CSNK2A2IP: variants seen among roughly 807,000 people sequenced by gnomAD.
CSNK2A2IP encodes the protein casein kinase 2 subunit alpha' interacting protein.
At chr3:88,428,525 C>A in the CSNK2A2IP span, among the ~76,000 whole-genome samples, 8 of 152,126 alleles carry the variant, frequency 5.3e-5, no homozygotes, top group Non-Finnish European at 7.4e-5. Context: ...ATAATCCCCA[C>A]ATGTTGCGGG....
At chr3:88,421,678 A>C in the CSNK2A2IP span, among the ~76,000 whole-genome samples, 1 of 152,214 alleles carries the variant, frequency 6.6e-6, no homozygotes, top group South Asian at 2.1e-4. Flanking sequence ...CGGCCTCTCA[A>C]AATGCTGGGA....
the CSNK2A2IP span, among the ~76,000 whole-genome samples, chr3:88,410,969 A>G: frequency 1.3e-5 from 2 of 152,162 alleles, no homozygotes; most frequent in South Asian, 4.1e-4. Flanking sequence ...TGAGTAAGAA[A>G]TATTTGGTAT....
At chr3:88,459,936 G>T in the CSNK2A2IP span, among the ~76,000 whole-genome samples, 26 of 151,908 alleles carry the variant, frequency 1.7e-4, no homozygotes, top group Middle Eastern at 6.8e-3. Context: ...TTTTATTTGG[G>T]AATTTCTGCG....
the CSNK2A2IP span, chr3:88,465,284 G>T: frequency 1.7e-5 from 15 of 901,494 alleles, no homozygotes; most frequent in Non-Finnish European, 2.2e-5. Flanking sequence ...ATGGATTCCC[G>T]CTAAAAGACT....
At chr3:88,452,745 C>T in the CSNK2A2IP span, among the ~76,000 whole-genome samples, 40 of 152,186 alleles carry the variant, frequency 2.6e-4, no homozygotes, top group East Asian at 1.7e-3. Flanking sequence ...GAACATAGCC[C>T]TCTCAGGATT....
chr3:88,408,241 G>A, the CSNK2A2IP span, among the ~76,000 whole-genome samples: 1 of 150,898 alleles, frequency 6.6e-6, no homozygotes, highest in African/African-American at 2.5e-5. Flanking sequence ...GAGTAAAGGA[G>A]ATGAAGGCAA....
chr3:88,393,087 C>A, the CSNK2A2IP span, among the ~76,000 whole-genome samples: 1 of 152,152 alleles, frequency 6.6e-6, no homozygotes, highest in Non-Finnish European at 1.5e-5. Flanking sequence ...GACATGATAT[C>A]TTCTGTAGTG....
chr3:88,455,423 T>A, the CSNK2A2IP span, among the ~76,000 whole-genome samples: 8 of 152,076 alleles, frequency 5.3e-5, no homozygotes, highest in African/African-American at 1.9e-4. Flanking sequence ...TGTTATCTCA[T>A]TGTAGTTTTT....
chr3:88,442,308 G>C, the CSNK2A2IP span, among the ~76,000 whole-genome samples: 1 of 152,052 alleles, frequency 6.6e-6, no homozygotes, highest in African/African-American at 2.4e-5. Flanking sequence ...CTTGTGAGCT[G>C]GGATCACGAG....
the CSNK2A2IP span, among the ~76,000 whole-genome samples, chr3:88,441,459 GA>G: frequency 6.6e-6 from 1 of 151,978 alleles, no homozygotes; most frequent in East Asian, 1.9e-4. Context: ...GTTGTACCAA[GA>G]AAAAAAGGCA....
At chr3:88,341,754 C>T in the CSNK2A2IP span, among the ~76,000 whole-genome samples, 3 of 151,836 alleles carry the variant, frequency 2.0e-5, no homozygotes, top group Non-Finnish European at 4.4e-5. Context: ...AACATTAATG[C>T]TATTTAAAAT....
chr3:88,459,649 C>G, the CSNK2A2IP span, among the ~76,000 whole-genome samples: 1 of 152,050 alleles, frequency 6.6e-6, no homozygotes, highest in Non-Finnish European at 1.5e-5. Context: ...TGTAGTGGGA[C>G]TAGCTCACAT....
chr3:88,380,104 T>C, the CSNK2A2IP span, among the ~76,000 whole-genome samples: 705 of 152,228 alleles, frequency 4.6e-3, 3 homozygotes, highest in African/African-American at 0.016. Context: ...CTTTAAAAAC[T>C]GTTAATGCAA....
At chr3:88,452,155 C>T in the CSNK2A2IP span, among the ~76,000 whole-genome samples, 1 of 150,514 alleles carries the variant, frequency 6.6e-6, no homozygotes, top group Admixed American at 6.8e-5. Flanking sequence ...TCCAATCTTT[C>T]TCATATTTTG....
At chr3:88,352,273 T>C in the CSNK2A2IP span, among the ~76,000 whole-genome samples, 1 of 152,140 alleles carries the variant, frequency 6.6e-6, no homozygotes, top group Non-Finnish European at 1.5e-5. Flanking sequence ...CTCACATTGG[T>C]GAAGGCAATT....
chr3:88,428,163 C>A, the CSNK2A2IP span, among the ~76,000 whole-genome samples: 1 of 152,086 alleles, frequency 6.6e-6, no homozygotes, highest in South Asian at 2.1e-4. Context: ...TTGGCTGCCC[C>A]GCTGGATTTT....
chr3:88,466,566 G>GTT, the CSNK2A2IP span: 5 of 1,231,570 alleles, frequency 4.1e-6, no homozygotes, highest in African/African-American at 7.8e-5. Context: ...TTTCTCCAAA[G>GTT]ACAGAATCAA....
chr3:88,350,622 C>T, the CSNK2A2IP span, among the ~76,000 whole-genome samples: 175 of 148,810 alleles, frequency 1.2e-3, no homozygotes, highest in Non-Finnish European at 1.4e-3. Flanking sequence ...AACAGCTTCA[C>T]AGAGCTGTAG....
At chr3:88,423,941 C>G in the CSNK2A2IP span, among the ~76,000 whole-genome samples, 1 of 151,946 alleles carries the variant, frequency 6.6e-6, no homozygotes, top group South Asian at 2.1e-4. Flanking sequence ...TCTCTAAAAC[C>G]CTTTTGTCTA....
Sources: gnomAD v4.1 joint callset for allele counts (sites outside exome capture counted in the v4.1 genomes callset) on GRCh38, gnomAD v4.1.1 for gene constraint, MANE v1.5 for transcripts, NCBI Gene and HGNC (gene_info 2026-07-23, HGNC 2026-07-21) for gene names.